HS6ST1: variants seen among roughly 807,000 people sequenced by gnomAD.
HS6ST1 encodes heparan-sulfate 6-O-sulfotransferase 1.
A neutral mutation model predicts 25.2 loss-of-function variants in HS6ST1; 3 were observed. The ratio of observed to expected loss-of-function variants is 0.12; its 90% CI spans 0.05 to 0.31. The LOEUF is 0.31. HS6ST1 is among the 10% of genes least tolerant of loss of function. HS6ST1 has a pLI of 1.00. For missense variants in HS6ST1, 310 were observed against 609.6 expected (o/e 0.51, Z 5.18); for synonymous variants, 204 against 275.1 (o/e 0.74, Z 2.56).
chr2:128,268,300 C>A lies in HS6ST1; in HGVS notation c.1098G>T (p.Glu366Asp). 6.2e-7 allele frequency: 1 copy of A among 1,613,112 alleles called. No homozygotes were observed. The highest frequency in any genetic ancestry group is 8.5e-7 in the Non-Finnish European group (1 of 1,179,836). Residue 366 changes from glutamate (E) to aspartate (D), a missense_variant, in exon 2 of 2, where the codon GAG (glutamate) becomes GAT (aspartate). Coordinates refer to ENST00000259241, the MANE Select transcript of HS6ST1 (RefSeq NM_004807.3). The part of the protein sequence containing the change: ...QQRYQYKRQL[E>D]RREQRLRSRE... ...GGCTCCTCAGGCGCTGCTCCCTGCGCTCCAGCTGCCGCTTGTACTGGTAGC... is the reference window on the plus strand; with the variant it reads ...GGCTCCTCAGGCGCTGCTCCCTGCGATCCAGCTGCCGCTTGTACTGGTAGC...
rs111456572 is a variant in HS6ST1 at position 128,318,800 on chromosome 2, G to T, written c.-237C>A. The stretch of plus-strand genomic sequence containing the variant: ...CCCGCTCGGCCCCGCTCCCGGCCCC[G>T]GCCAGCACAGCGCTCTCCGCGCCCC... On this transcript the variant is annotated 5_prime_UTR_variant, in exon 1 of 2. Transcript: ENST00000259241. This position sits in a 1 kb window ranked among gnomAD's most constrained non-coding sequence, Gnocchi z 5.7. 6.8e-6 allele frequency among the ~76,000 whole-genome samples: 1 copy of T among 146,964 alleles called. No homozygotes were observed. Among genetic ancestry groups the T allele is most frequent in the African/African-American group, 2.4e-5 (1 of 40,826 alleles).
At chr2:128,301,621 G>A (rs10048789) in intron 1 of HS6ST1, among the ~76,000 whole-genome samples, 15,001 of 152,224 alleles carry the variant, frequency 0.099, 835 homozygotes, top group African/African-American at 0.14. Context: ...CACCACTGGC[G>A]CCAAAGCATG....
chr2:128,313,706 G>A (rs557904772), intron 1 of HS6ST1, among the ~76,000 whole-genome samples: 2 of 152,234 alleles, frequency 1.3e-5, no homozygotes, highest in South Asian at 4.2e-4. Flanking sequence ...AAAGAAACCT[G>A]GATTCCCTGG....
intron 1 of HS6ST1, among the ~76,000 whole-genome samples, chr2:128,284,069 C>A (rs1198663341): frequency 1.3e-5 from 2 of 151,716 alleles, no homozygotes; most frequent in African/African-American, 4.8e-5. Flanking sequence ...CCCCCACCCT[C>A]ACCCCACTTC....
chr2:128,277,428 C>T (rs1020428406), intron 1 of HS6ST1, among the ~76,000 whole-genome samples: 4 of 152,202 alleles, frequency 2.6e-5, no homozygotes, highest in Admixed American at 6.5e-5. Flanking sequence ...TTGAGGGTGA[C>T]GGGGAGACCC....
intron 1 of HS6ST1, among the ~76,000 whole-genome samples, chr2:128,299,444 T>C (rs1345709254): frequency 1.3e-5 from 2 of 152,212 alleles, no homozygotes; most frequent in African/African-American, 2.4e-5. Context: ...CAGTGTGACA[T>C]GTGGGGAAAC....
chr2:128,309,105 T>A (rs1694251927), intron 1 of HS6ST1, among the ~76,000 whole-genome samples: 1 of 152,192 alleles, frequency 6.6e-6, no homozygotes, highest in Admixed American at 6.5e-5. Context: ...GGGGCCTCTC[T>A]TTTGCTCTGC....
chr2:128,313,568 G>A (rs992124486), intron 1 of HS6ST1, among the ~76,000 whole-genome samples: 13 of 152,274 alleles, frequency 8.5e-5, no homozygotes, highest in African/African-American at 2.9e-4. Context: ...CGGGGTGTGA[G>A]AGCAAAAGCC....
intron 1 of HS6ST1, among the ~76,000 whole-genome samples, chr2:128,284,895 C>T (rs577628490): frequency 1.1e-4 from 17 of 152,324 alleles, no homozygotes; most frequent in East Asian, 3.9e-4. Flanking sequence ...CCCCACCCCC[C>T]ACCTGGTGGT....
chr2:128,276,882 C>T (rs531897882), intron 1 of HS6ST1, among the ~76,000 whole-genome samples: 2 of 152,276 alleles, frequency 1.3e-5, no homozygotes, highest in East Asian at 3.9e-4. Flanking sequence ...CTACGAGCTA[C>T]GCTGCTGTGG....
At chr2:128,283,584 C>A (rs533451672) in intron 1 of HS6ST1, among the ~76,000 whole-genome samples, 2 of 152,216 alleles carry the variant, frequency 1.3e-5, no homozygotes, top group Non-Finnish European at 2.9e-5. Context: ...CCACTTACAC[C>A]TGGAACTCTG....
At chr2:128,302,186 TGA>T (rs1199514662) in intron 1 of HS6ST1, among the ~76,000 whole-genome samples, 3 of 152,154 alleles carry the variant, frequency 2.0e-5, no homozygotes, top group Non-Finnish European at 2.9e-5. Context: ...TCAGGGAGTC[TGA>T]GAGGTGTAAC....
chr2:128,273,929 G>A (rs1693653258), intron 1 of HS6ST1, among the ~76,000 whole-genome samples: 1 of 152,156 alleles, frequency 6.6e-6, no homozygotes, highest in African/African-American at 2.4e-5. Flanking sequence ...TCATGGCTCA[G>A]AGGTTTGAGG....
chr2:128,293,490 T>C (rs6431009), intron 1 of HS6ST1, among the ~76,000 whole-genome samples: 87,535 of 152,114 alleles, frequency 0.58, 26,159 homozygotes, highest in East Asian at 0.78. Flanking sequence ...CAGAAACCAC[T>C]GTTCCTCATA....
chr2:128,278,993 G>A (rs916223108), intron 1 of HS6ST1, among the ~76,000 whole-genome samples: 1 of 152,184 alleles, frequency 6.6e-6, no homozygotes, highest in Non-Finnish European at 1.5e-5. Flanking sequence ...GACCCAAGAA[G>A]AAATGATTTA....
intron 1 of HS6ST1, among the ~76,000 whole-genome samples, chr2:128,290,632 A>G (rs1415214173): frequency 6.6e-6 from 1 of 152,100 alleles, no homozygotes; most frequent in Non-Finnish European, 1.5e-5. Context: ...AGCATCTGCT[A>G]AAAACACTAT....
intron 1 of HS6ST1, among the ~76,000 whole-genome samples, chr2:128,281,512 G>A (rs540469730): frequency 3.3e-5 from 5 of 152,302 alleles, no homozygotes; most frequent in South Asian, 2.1e-4. Context: ...GCTGCTGACC[G>A]GAAAGCGGAT....
intron 1 of HS6ST1, among the ~76,000 whole-genome samples, chr2:128,305,543 G>C (rs1399599128): frequency 6.6e-6 from 1 of 152,238 alleles, no homozygotes; most frequent in African/African-American, 2.4e-5. Flanking sequence ...GGGAAGGAAG[G>C]AGGCTGTGGC....
chr2:128,297,233 C>A (rs1240136735), intron 1 of HS6ST1, among the ~76,000 whole-genome samples: 1 of 152,154 alleles, frequency 6.6e-6, no homozygotes, highest in Non-Finnish European at 1.5e-5. Flanking sequence ...GAAATCAACC[C>A]TTGCATATAT....
Sources: allele counts gnomAD v4.1 joint callset (sites outside exome capture counted in the v4.1 genomes callset), GRCh38; gene constraint gnomAD v4.1.1; non-coding constraint Gnocchi (gnomAD v3.1); transcripts MANE v1.5; gene names NCBI Gene and HGNC (gene_info 2026-07-23, HGNC 2026-07-21).